SORT1: variants seen among roughly 807,000 people sequenced by gnomAD.
SORT1 encodes the protein sortilin.
In SORT1, 39 loss-of-function variants were observed where a neutral mutation model predicts 101.7. The observed-to-expected ratio is 0.38, with a 90% CI of 0.30 to 0.50. The LOEUF (loss-of-function observed/expected upper bound fraction) is 0.50, where lower values mean the gene tolerates loss of function less well. Among genes scored for constraint, SORT1 ranks in the 20% least tolerant of loss-of-function variants. SORT1 has a pLI of 0.90. For missense variants in SORT1, 878 were observed against 1,040.4 expected, an observed-to-expected ratio of 0.84 and a Z score of 2.15; for synonymous variants, 396 against 393.7, an observed-to-expected ratio of 1.01 and a Z score of -0.07.
intron 9 of SORT1, among the ~76,000 whole-genome samples, chr1:109,341,352 G>T (rs1284969781): frequency 6.8e-6 from 1 of 146,236 alleles, no homozygotes. Context: ...ATGCCCCTAA[G>T]TTTTTTTTTT....
At position 109,397,681 on chromosome 1, in the gene SORT1, C is replaced by CG; in HGVS notation, c.211dup (p.Arg71ProfsTer36). 1.7e-6 allele frequency: 2 copies of CG among 1,199,044 alleles called. No individual in the cohort carries two copies. The highest frequency in any genetic ancestry group is 2.1e-6 in the Non-Finnish European group (2 of 966,576). The allele number at this position is 1,199,044 out of a possible 1,614,324, so 74.3% of individuals were successfully genotyped here. On this transcript the variant is annotated frameshift_variant, in exon 1 of 20. Transcript: ENST00000256637. LOFTEE classifies it high-confidence loss of function. ...CGCGCTGCGACGCCAACGGCCGCCG[C>CG]GGGGAAACGCGCCCCCGGCTGCGGC...
chr1:109,391,141 C>G (rs537870186), intron 1 of SORT1, among the ~76,000 whole-genome samples: 1 of 152,016 alleles, frequency 6.6e-6, no homozygotes, highest in East Asian at 1.9e-4. Flanking sequence ...GATTTTTCAG[C>G]CAACAAGGAA....
chr1:109,347,406 TC>T, intron 7 of SORT1, 76 bp downstream of exon 7: 2 of 955,120 alleles, frequency 2.1e-6, no homozygotes, highest in Non-Finnish European at 3.4e-6. Context: ...CTTTTATGTT[TC>T]TACCTTGCAC....
chr1:109,352,337 T>C (rs1341217372), intron 5 of SORT1, among the ~76,000 whole-genome samples: 1 of 152,080 alleles, frequency 6.6e-6, no homozygotes, highest in Non-Finnish European at 1.5e-5. Context: ...AGTAGGCATT[T>C]AAGGGTAGGC....
chr1:109,319,356 G>T (rs1334188543), intron 15 of SORT1, among the ~76,000 whole-genome samples: 1 of 152,140 alleles, frequency 6.6e-6, no homozygotes, highest in Non-Finnish European at 1.5e-5. Context: ...CTGCCCTGGG[G>T]CCTTGCTTCC....
intron 3 of SORT1, among the ~76,000 whole-genome samples, chr1:109,361,693 A>C (rs1385132540): frequency 1.3e-5 from 2 of 152,228 alleles, no homozygotes; most frequent in African/African-American, 4.8e-5. Flanking sequence ...TTACTAATTG[A>C]GAAAGCTTAT....
intron 8 of SORT1, among the ~76,000 whole-genome samples, chr1:109,343,515 C>T (rs769230209): frequency 2.0e-5 from 3 of 152,198 alleles, no homozygotes; most frequent in Admixed American, 6.5e-5. Context: ...TTGCTACCTA[C>T]TTACTCCTCC....
chr1:109,366,482 T>A (rs979220284), intron 3 of SORT1, among the ~76,000 whole-genome samples: 1 of 152,178 alleles, frequency 6.6e-6, no homozygotes, highest in Admixed American at 6.5e-5. Flanking sequence ...CAAATAAATA[T>A]CCATATAAAT....
intron 8 of SORT1, among the ~76,000 whole-genome samples, chr1:109,343,055 T>C (rs1649332713): frequency 6.6e-6 from 1 of 152,192 alleles, no homozygotes. Flanking sequence ...GACAGCATTA[T>C]ACCATATATG....
intron 3 of SORT1, among the ~76,000 whole-genome samples, chr1:109,364,024 C>T (rs1393489105): frequency 6.6e-6 from 1 of 152,110 alleles, no homozygotes; most frequent in Non-Finnish European, 1.5e-5. Flanking sequence ...GAGTCAGTTT[C>T]CACTTCATGG....
In SORT1 at chr1:109,312,525, A is replaced by C. The variant is rs1045053961; in HGVS notation, c.*1518T>G. ...TTGGCACTTCAAATAAAAAAAAAAAAAAACACACAAAACTGACTTTCTAGC... is the reference window on the plus strand; with the variant it reads ...TTGGCACTTCAAATAAAAAAAAAAACAAACACACAAAACTGACTTTCTAGC... On this transcript the variant is annotated 3_prime_UTR_variant, in exon 20 of 20. Transcript: ENST00000256637. The C allele has an allele frequency of 6.6e-6, 1 of 152,382 alleles. No homozygotes were observed. The highest frequency in any genetic ancestry group is 1.5e-5 in the Non-Finnish European group (1 of 67,982). 9.4% of individuals were successfully genotyped at this position (152,382 alleles called of 1,614,324 possible).
At position 109,397,858 on chromosome 1, in the gene SORT1, G is replaced by A. The variant is rs1368145155; in HGVS notation, c.35C>T (p.Ser12Leu). ...ERPWGAADGL[S>L]RWPHGLGLLL... ...GAGGCCGAGGCCATGGGGCCAGCGC[G>A]AGAGGCCGTCCGCAGCTCCCCAGGG... The change falls in exon 1 of 20, where the codon TCG becomes TTG. Residue 12 changes from serine (S) to leucine (L), a missense_variant. By Grantham distance (145) the Ser-to-Leu change is moderately radical. Transcript: ENST00000256637. The A allele has an allele frequency of 1.6e-6, 2 of 1,283,140 alleles. No homozygotes were observed. Among genetic ancestry groups the A allele is most frequent in the Non-Finnish European group, 1.0e-6 (1 of 1,004,398 alleles). 79.5% of individuals were successfully genotyped at this position (1,283,140 alleles called of 1,614,324 possible). A position where few individuals can be genotyped will look rare whatever the true frequency, so the allele number is the denominator to read the frequency against.
intron 5 of SORT1, among the ~76,000 whole-genome samples, chr1:109,353,547 A>G (rs938192725): frequency 5.9e-5 from 9 of 152,106 alleles, no homozygotes; most frequent in Non-Finnish European, 1.3e-4. Flanking sequence ...CAGTACAGCA[A>G]TGACTCTCAA....
At chr1:109,378,742 ATATATATATATATATAT>A (rs1652031604) in intron 1 of SORT1, among the ~76,000 whole-genome samples, 4 of 94,000 alleles carry the variant, frequency 4.3e-5, no homozygotes, top group African/African-American at 1.9e-4. Flanking sequence ...ATATATATAT[ATATATATATATATATAT>A]ATAAAGATGT....
intron 10 of SORT1, among the ~76,000 whole-genome samples, chr1:109,340,438 G>A (rs982378202): frequency 2.6e-5 from 4 of 152,152 alleles, no homozygotes. Context: ...TGCACCTGGT[G>A]CAATTTCTAT....
chr1:109,369,634 C>T (rs1651350927), intron 1 of SORT1, 45 bp from the exon 2 acceptor site: 1 of 1,229,004 alleles, frequency 8.1e-7, no homozygotes. Context: ...AGCCACTCTC[C>T]TTCAATCTTT....
intron 17 of SORT1, among the ~76,000 whole-genome samples, 187 bp from the exon 18 acceptor site, chr1:109,314,965 CAG>C (rs1163549749): frequency 2.0e-5 from 3 of 152,160 alleles, no homozygotes; most frequent in Admixed American, 1.3e-4. Context: ...TTATAGCTGG[CAG>C]AGAGTCATCT....
intron 3 of SORT1, among the ~76,000 whole-genome samples, chr1:109,356,373 T>C (rs1650325643): frequency 6.6e-6 from 1 of 152,226 alleles, no homozygotes; most frequent in African/African-American, 2.4e-5. Flanking sequence ...AAGACTGCTA[T>C]CGTCATTCTG....
intron 1 of SORT1, among the ~76,000 whole-genome samples, chr1:109,396,019 G>A (rs1207042650): frequency 6.6e-6 from 1 of 152,088 alleles, no homozygotes; most frequent in Admixed American, 6.5e-5. Flanking sequence ...AGGAGGTCAG[G>A]GCTGCAGTGA....
Sources: allele counts gnomAD v4.1 joint callset (sites outside exome capture counted in the v4.1 genomes callset), GRCh38; gene constraint gnomAD v4.1.1; transcripts MANE v1.5; gene names NCBI Gene and HGNC (gene_info 2026-07-23, HGNC 2026-07-21).